Variants in NTM observed in about 807,000 individuals in gnomAD.
The protein encoded by NTM is IgLON family member 2.
Under a neutral mutation model 42.1 loss-of-function variants are expected in NTM, and 13 were observed. That is an observed-to-expected ratio of 0.31 (90% CI 0.20 to 0.49). NTM has a LOEUF of 0.49. NTM is among the 20% of genes least tolerant of loss of function. NTM has a pLI of 0.99. For synonymous variants in NTM, 187 were observed against 179.2 expected (o/e 1.04, Z -0.35); for missense variants, 373 against 452.8 (o/e 0.82, Z 1.60).
At position 131,745,591 on chromosome 11, in the gene NTM, G is replaced by A. The variant is rs115661495; in HGVS notation, c.83-165973G>A. The stretch of plus-strand genomic sequence containing the variant: ...GTGACACATATTGAAAGGATCAGAG[G>A]ACTGGAGTTGAAGTCCTGACTCATC... On this transcript the variant is annotated intron_variant, in intron 1 of 8. Transcript: ENST00000683400. 5.3e-3 allele frequency among the ~76,000 whole-genome samples: 800 copies of A among 152,240 alleles called. 6 individuals carry two copies. The highest frequency in any genetic ancestry group is 0.017 in the African/African-American group (727 of 41,548).
At chr11:131,797,846 T>C (rs1591930063) in intron 1 of NTM, among the ~76,000 whole-genome samples, 1 of 152,236 alleles carries the variant, frequency 6.6e-6, no homozygotes, top group African/African-American at 2.4e-5. Context: ...TCACCTTGTA[T>C]CATATAATTA....
intron 1 of NTM, among the ~76,000 whole-genome samples, chr11:131,825,600 G>C (rs2136465805): frequency 6.6e-6 from 1 of 152,250 alleles, no homozygotes; most frequent in South Asian, 2.1e-4. Context: ...GTTGGGTGTG[G>C]ACAGACCTGT....
chr11:131,959,678 C>G (rs564605976), intron 2 of NTM, among the ~76,000 whole-genome samples: 1 of 152,098 alleles, frequency 6.6e-6, no homozygotes, highest in South Asian at 2.1e-4. Context: ...CATGAGTAAA[C>G]CACCTCATCA....
intron 1 of NTM, among the ~76,000 whole-genome samples, chr11:131,872,704 CATTTGAT>C (rs1303993278): frequency 6.6e-6 from 1 of 152,126 alleles, no homozygotes; most frequent in East Asian, 1.9e-4. Flanking sequence ...ATTTTTATAT[CATTTGAT>C]AGTGGCTAGA....
Position 132,002,859 on chromosome 11 carries a change from C to A in NTM, c.167+91211C>A, listed in dbSNP as rs182291482. 1.3e-5 allele frequency among the ~76,000 whole-genome samples: 2 copies of A among 152,222 alleles called. No individual in the cohort carries two copies. The highest frequency in any genetic ancestry group is 2.9e-5 in the Non-Finnish European group (2 of 68,034). Reference sequence around the variant, plus strand: ...ATACATTTAAAGTCCTAGAACAAAGCCTGCACATAGCAAGCTCTTAGCCAA... The same window carrying A: ...ATACATTTAAAGTCCTAGAACAAAGACTGCACATAGCAAGCTCTTAGCCAA... On this transcript the variant is annotated intron_variant, in intron 2 of 8. Transcript: ENST00000683400. This position sits in a 1 kb window ranked among gnomAD's most constrained non-coding sequence, Gnocchi z 4.5.
At chr11:131,913,033 G>A (rs761472720) in intron 2 of NTM, among the ~76,000 whole-genome samples, 1 of 152,082 alleles carries the variant, frequency 6.6e-6, no homozygotes, top group Non-Finnish European at 1.5e-5. Context: ...GTTGGCTCAC[G>A]AGACCCACCT....
At chr11:132,036,703 G>A (rs932026171) in intron 2 of NTM, among the ~76,000 whole-genome samples, 1 of 152,158 alleles carries the variant, frequency 6.6e-6, no homozygotes, top group Non-Finnish European at 1.5e-5. Flanking sequence ...TGGAAACCAT[G>A]TGGAGAAATC....
At chr11:131,430,012 A>C (rs1948522308) in intron 1 of NTM, among the ~76,000 whole-genome samples, 2 of 152,186 alleles carry the variant, frequency 1.3e-5, no homozygotes. Flanking sequence ...CGAATGAAGC[A>C]CTTAAGTTTT....
intron 1 of NTM, among the ~76,000 whole-genome samples, chr11:131,456,598 T>C (rs1950917591): frequency 6.6e-6 from 1 of 151,942 alleles, no homozygotes; most frequent in South Asian, 2.1e-4. Flanking sequence ...TCAGCTCAGC[T>C]CTAAGAGAAA....
At chr11:132,055,120 TGGCC>T (rs1177560576) in intron 2 of NTM, among the ~76,000 whole-genome samples, 1 of 152,248 alleles carries the variant, frequency 6.6e-6, no homozygotes, top group Non-Finnish European at 1.5e-5. Context: ...AGGATGGGGC[TGGCC>T]TTGAGGTTGG....
chr11:132,027,382 C>A (rs2135595919), intron 2 of NTM, among the ~76,000 whole-genome samples: 1 of 152,272 alleles, frequency 6.6e-6, no homozygotes, highest in Admixed American at 6.5e-5. Context: ...ATATCATTTT[C>A]ATTTTCTCTG....
Position 131,628,020 on chromosome 11 carries a change from G to A in NTM, c.82+257132G>A, listed in dbSNP as rs544885447. ...TGACAGTGTATGCCCTAAGTCCCCT[G>A]CAACTTAAATGTCTATGGTAATTGT... On this transcript the variant is annotated intron_variant, in intron 1 of 8. Coordinates refer to ENST00000683400, the MANE Select transcript of NTM (RefSeq NM_001352005.2). Among the ~76,000 whole-genome samples the A allele has an allele frequency of 5.9e-5, 9 of 152,276 alleles. No homozygotes were observed. The East Asian group carries it at 1.7e-3, about 29-fold the overall frequency.
At chr11:131,978,410 C>T (rs998354730) in intron 2 of NTM, among the ~76,000 whole-genome samples, 1 of 152,130 alleles carries the variant, frequency 6.6e-6, no homozygotes, top group Admixed American at 6.6e-5. Context: ...CGGGTCAGAG[C>T]ACCTATTCTT....
At chr11:131,874,035 A>AATATAATAT (rs1488976376) in intron 1 of NTM, among the ~76,000 whole-genome samples, 216 of 17,732 alleles carry the variant, frequency 0.012, 13 homozygotes, top group African/African-American at 0.021. Context: ...AATATAATAT[A>AATATAATAT]TATATATATA....
intron 2 of NTM, among the ~76,000 whole-genome samples, chr11:132,053,095 C>T (rs1217803558): frequency 1.3e-5 from 2 of 152,142 alleles, no homozygotes; most frequent in African/African-American, 4.8e-5. Context: ...CCGATCACAA[C>T]AAAAATGATG....
At chr11:132,270,285 G>A (rs907767280) in intron 4 of NTM, among the ~76,000 whole-genome samples, 13 of 152,310 alleles carry the variant, frequency 8.5e-5, no homozygotes, top group African/African-American at 2.9e-4. Flanking sequence ...AGGTTGGAGT[G>A]CAATAGCACG....
At chr11:131,715,330 C>T (rs180824298) in intron 1 of NTM, among the ~76,000 whole-genome samples, 3 of 152,276 alleles carry the variant, frequency 2.0e-5, no homozygotes, top group Non-Finnish European at 4.4e-5. Context: ...TTCCCAAAGG[C>T]AAGTCAATTT....
At chr11:131,941,236 A>G (rs571703538) in intron 2 of NTM, among the ~76,000 whole-genome samples, 8 of 152,324 alleles carry the variant, frequency 5.3e-5, no homozygotes, top group African/African-American at 1.9e-4. Flanking sequence ...TCTAAGAGCA[A>G]CAGAGTAGAA....
chr11:131,869,968 T>C (rs1167658030), intron 1 of NTM, among the ~76,000 whole-genome samples: 2 of 152,196 alleles, frequency 1.3e-5, no homozygotes, highest in East Asian at 3.9e-4. Context: ...TCTTATTTCA[T>C]TCACACCTCA....
Sources: allele counts gnomAD v4.1 joint callset (sites outside exome capture counted in the v4.1 genomes callset), GRCh38; gene constraint gnomAD v4.1.1; non-coding constraint Gnocchi (gnomAD v3.1); transcripts MANE v1.5; gene names NCBI Gene and HGNC (gene_info 2026-07-23, HGNC 2026-07-21).